The following TAF3 variants were observed in gnomAD, a reference collection of about 807,000 sequenced individuals.
The protein encoded by TAF3 is transcription initiation factor TFIID subunit 3.
TAF3 carries 7 observed loss-of-function variants against 80.6 expected under a neutral mutation model. The ratio of observed to expected loss-of-function variants is 0.09; its 90% CI spans 0.05 to 0.16. The LOEUF (loss-of-function observed/expected upper bound fraction) is 0.16, where lower values mean the gene tolerates loss of function less well. Ranked by LOEUF, TAF3 falls within the 10% of genes least tolerant of loss-of-function variation. The pLI is 1.00. For synonymous variants in TAF3, 444 were observed against 446.1 expected (o/e 1.00, Z 0.06); for missense variants, 921 against 1,140.2 (o/e 0.81, Z 2.77).
intron 5 of TAF3, 34 bp from the exon 6 acceptor site, chr10:8,013,697 T>C (rs746962169): frequency 6.3e-7 from 1 of 1,579,564 alleles, no homozygotes; most frequent in Non-Finnish European, 8.7e-7. Flanking sequence ...TCCCATTCCC[T>C]CCATTTTTGC....
At chr10:7,859,071 G>C (rs1322144300) in intron 2 of TAF3, among the ~76,000 whole-genome samples, 2 of 151,928 alleles carry the variant, frequency 1.3e-5, no homozygotes, top group Non-Finnish European at 2.9e-5. Flanking sequence ...GACCATCCTG[G>C]CTAACACGGT....
chr10:7,987,355 A>T (rs997059530), intron 4 of TAF3, among the ~76,000 whole-genome samples: 1 of 152,080 alleles, frequency 6.6e-6, no homozygotes, highest in African/African-American at 2.4e-5. Flanking sequence ...TATCTTACAC[A>T]TACTGTTCAG....
intron 4 of TAF3, among the ~76,000 whole-genome samples, chr10:7,998,765 G>C (rs575851536): frequency 2.0e-5 from 3 of 152,014 alleles, no homozygotes; most frequent in Non-Finnish European, 2.9e-5. Context: ...CTTGAACCCA[G>C]GAGGTGGAGG....
chr10:7,934,954 A>G (rs1377911008), intron 2 of TAF3, among the ~76,000 whole-genome samples: 2 of 152,164 alleles, frequency 1.3e-5, no homozygotes, highest in Non-Finnish European at 2.9e-5. Flanking sequence ...TCTGGGGGAA[A>G]AAACACATAA....
intron 4 of TAF3, among the ~76,000 whole-genome samples, chr10:7,981,379 CA>C (rs1166533916): frequency 6.6e-6 from 1 of 152,144 alleles, no homozygotes; most frequent in Non-Finnish European, 1.5e-5. Context: ...CAGCAAGCAC[CA>C]GAGAAGGGGT....
At chr10:7,953,659 G>A (rs1158538050) in intron 2 of TAF3, among the ~76,000 whole-genome samples, 4 of 152,192 alleles carry the variant, frequency 2.6e-5, no homozygotes, top group Non-Finnish European at 4.4e-5. Context: ...CCTGCCTACC[G>A]TGTGAACTGA....
chr10:7,887,588 A>G (rs888910713), intron 2 of TAF3, among the ~76,000 whole-genome samples: 1 of 152,184 alleles, frequency 6.6e-6, no homozygotes, highest in Non-Finnish European at 1.5e-5. Flanking sequence ...TTTCCTAGTG[A>G]TAAGTGTGAA....
chr10:7,959,238 C>A (rs1838166478), intron 2 of TAF3, among the ~76,000 whole-genome samples: 1 of 151,966 alleles, frequency 6.6e-6, no homozygotes, highest in South Asian at 2.1e-4. Flanking sequence ...GCAATTGAAG[C>A]TTTCTTATAA....
chr10:7,862,763 A>G (rs892726009), intron 2 of TAF3, among the ~76,000 whole-genome samples: 1 of 152,190 alleles, frequency 6.6e-6, no homozygotes, highest in African/African-American at 2.4e-5. Flanking sequence ...AGAATTTTAT[A>G]TAAGTGAAAT....
At chr10:7,942,682 T>C (rs1035436326) in intron 2 of TAF3, among the ~76,000 whole-genome samples, 2 of 152,218 alleles carry the variant, frequency 1.3e-5, no homozygotes, top group African/African-American at 4.8e-5. Context: ...CAAGAAGCGC[T>C]GGGGAATGTG....
rs951548104 is a variant in TAF3 at position 8,009,505 on chromosome 10, A to G, written c.2568+175A>G. On this transcript the variant is annotated intron_variant, in intron 5 of 6. Transcript: ENST00000344293. The surrounding 1 kb of genome is among the most constrained non-coding windows in gnomAD (Gnocchi z 4.1). Reference sequence around the variant, plus strand: ...GCTCAGGCTGGAGTACAGTGGCCCAATCATAGCTCACTGCAACCTCAAACT... The same window carrying G: ...GCTCAGGCTGGAGTACAGTGGCCCAGTCATAGCTCACTGCAACCTCAAACT... Among the ~76,000 whole-genome samples the G allele has an allele frequency of 2.0e-5, 3 of 152,158 alleles. No homozygotes were observed. The highest frequency in any genetic ancestry group is 3.2e-3 in the Middle Eastern group (1 of 316).
chr10:7,882,584 T>G (rs1837372065), intron 2 of TAF3, among the ~76,000 whole-genome samples: 1 of 152,194 alleles, frequency 6.6e-6, no homozygotes, highest in South Asian at 2.1e-4. Context: ...GTTTATTGGA[T>G]GAAAATTACT....
chr10:7,962,319 A>G (rs113062403), intron 2 of TAF3, among the ~76,000 whole-genome samples: 1,661 of 152,130 alleles, frequency 0.011, 18 homozygotes, highest in Middle Eastern at 0.031. Flanking sequence ...CACTTCAGTA[A>G]TCCATGTTAT....
intron 2 of TAF3, among the ~76,000 whole-genome samples, chr10:7,885,678 A>G (rs1340099330): frequency 2.0e-5 from 3 of 152,012 alleles, no homozygotes; most frequent in Non-Finnish European, 4.4e-5. Context: ...CCTTTTTGTT[A>G]CTTTCCACAC....
Position 7,964,048 on chromosome 10 carries a change from C to G in TAF3, c.538C>G (p.Pro180Ala). 2.5e-6 allele frequency: 4 copies of G among 1,614,074 alleles called. No homozygotes were observed. The highest frequency in any genetic ancestry group is 3.4e-6 in the Non-Finnish European group (4 of 1,180,012). The change falls in exon 3 of 7, where the codon CCA becomes GCA. Residue 180 changes from proline to alanine, a missense_variant. Transcript: ENST00000344293. The surrounding 1 kb of genome is among the most constrained non-coding windows in gnomAD (Gnocchi z 4.1). ...INDENFLGKR[P>A]LDSPEAEELP... is the part of the protein sequence containing the mutation. ...TGATGAGAATTTCCTGGGCAAGAGA[C>G]CACTGGATAGTCCTGAAGCTGAAGA...
At chr10:7,846,227 C>G (rs577349655) in intron 2 of TAF3, among the ~76,000 whole-genome samples, 26 of 152,052 alleles carry the variant, frequency 1.7e-4, no homozygotes, top group African/African-American at 3.1e-4. Flanking sequence ...GAAGTGCTGG[C>G]ATTACAGGCA....
intron 2 of TAF3, among the ~76,000 whole-genome samples, chr10:7,845,333 C>T (rs1836959564): frequency 6.6e-6 from 1 of 151,856 alleles, no homozygotes; most frequent in Admixed American, 6.6e-5. Flanking sequence ...TGTGTGCACA[C>T]GGTTCCTGCT....
intron 2 of TAF3, among the ~76,000 whole-genome samples, chr10:7,932,959 C>T (rs894579494): frequency 1.3e-5 from 2 of 152,036 alleles, no homozygotes; most frequent in Admixed American, 6.5e-5. Flanking sequence ...GGGTTACAGG[C>T]GTGAACCTCT....
chr10:7,895,971 C>T (rs1318072337), intron 2 of TAF3, among the ~76,000 whole-genome samples: 2 of 152,002 alleles, frequency 1.3e-5, no homozygotes, highest in African/African-American at 2.4e-5. Context: ...CCAAGTTGGG[C>T]CAGTGACTGT....
Sources: gnomAD v4.1 joint callset for allele counts (sites outside exome capture counted in the v4.1 genomes callset) on GRCh38, gnomAD v4.1.1 for gene constraint, Gnocchi (gnomAD v3.1) non-coding constraint, MANE v1.5 for transcripts, NCBI Gene and HGNC (gene_info 2026-07-23, HGNC 2026-07-21) for gene names.